The following RBM38 variants were observed in gnomAD, a reference collection of about 807,000 sequenced individuals.
The protein encoded by RBM38 is RNA binding motif protein 38.
In RBM38, 11 loss-of-function variants were observed where a neutral mutation model predicts 23.5. That is an observed-to-expected ratio of 0.47 (90% CI 0.29 to 0.77). The LOEUF is 0.77. Among genes scored for constraint, RBM38 ranks in the 30% least tolerant of loss-of-function variants. The pLI is 0.08. For missense variants in RBM38, 330 were observed against 351.9 expected (o/e 0.94, Z 0.50); for synonymous variants, 165 against 166.1 (o/e 0.99, Z 0.05).
intron 1 of RBM38, 54 bp from the exon 2 acceptor site, chr20:57,392,600 C>G: frequency 6.4e-7 from 1 of 1,567,216 alleles, no homozygotes. Flanking sequence ...CCGTCTGCCC[C>G]TTTCGCCCCT....
In RBM38 at chr20:57,405,818, C is replaced by T. The variant is rs548417204; in HGVS notation, c.417-1725C>T. On this transcript the variant is annotated intron_variant, in intron 3 of 3. Coordinates refer to ENST00000356208, the MANE Select transcript of RBM38 (RefSeq NM_017495.6). Reference sequence around the variant, plus strand: ...TCCCTGGCTCTGGGGAGGGAGCTCGCAGGGCTCCTCTCTGACACTGAGGGT... The same window carrying T: ...TCCCTGGCTCTGGGGAGGGAGCTCGTAGGGCTCCTCTCTGACACTGAGGGT... Among the ~76,000 whole-genome samples, 15 of 151,056 alleles carry T rather than the reference C, an allele frequency of 9.9e-5. No individual in the cohort carries two copies. The South Asian group carries it at 3.1e-3, about 32-fold the overall frequency.
rs754322312 is a variant in RBM38, at chr20:57,407,677, C to A, written c.551C>A (p.Pro184Gln). 1.2e-6 allele frequency: 2 copies of A among 1,612,702 alleles called. No individual in the cohort carries two copies. Among genetic ancestry groups the A allele is most frequent in the Non-Finnish European group, 1.7e-6 (2 of 1,179,688 alleles). The change falls in exon 4 of 4, where the codon CCG (proline) becomes CAG (glutamine). Residue 184 changes from proline to glutamine, a missense_variant. By Grantham distance (76) the Pro-to-Gln change is moderately conservative (BLOSUM62 -1). Around this residue, in one of 3 missense-constraint regions of RBM38, gnomAD observed 227 missense variants for 216.4 expected, o/e 1.05. Coordinates refer to ENST00000356208, the MANE Select transcript of RBM38 (RefSeq NM_017495.6). The surrounding 1 kb of genome is among the most constrained non-coding windows in gnomAD (Gnocchi z 4.0). ...PASPAYAQYP[P>Q]ATYDQYPYAA... Reference sequence around the variant, plus strand: ...AGCCCGGCCTACGCCCAGTACCCACCGGCCACCTATGACCAGTACCCATAC... The same window carrying A: ...AGCCCGGCCTACGCCCAGTACCCACAGGCCACCTATGACCAGTACCCATAC...
At chr20:57,395,563 G>A (rs945968023) in intron 3 of RBM38, among the ~76,000 whole-genome samples, 1 of 152,234 alleles carries the variant, frequency 6.6e-6, no homozygotes, top group African/African-American at 2.4e-5. Context: ...CCCAAACAGG[G>A]ACGGTGTCAG....
chr20:57,406,521 G>A (rs960074969), intron 3 of RBM38, among the ~76,000 whole-genome samples: 4 of 152,170 alleles, frequency 2.6e-5, no homozygotes, highest in Non-Finnish European at 5.9e-5. Context: ...ACGGGGTGAC[G>A]CACCCAGTCA....
chr20:57,406,109 C>T (rs1600759138), intron 3 of RBM38, among the ~76,000 whole-genome samples: 1 of 152,220 alleles, frequency 6.6e-6, no homozygotes, highest in African/African-American at 2.4e-5. Flanking sequence ...GCCCAGGGCA[C>T]AGTGCCGTGC....
intron 3 of RBM38, chr20:57,400,022 A>G (rs6025526): frequency 0.055 from 24,929 of 455,878 alleles, 4,376 homozygotes; most frequent in African/African-American, 0.41. Flanking sequence ...ATGTGTCCCC[A>G]GCACCATCTG....
At chr20:57,392,811 C>T (rs760596826) in intron 2 of RBM38, 34 bp downstream of exon 2, 18 of 1,606,738 alleles carry the variant, frequency 1.1e-5, no homozygotes, top group Middle Eastern at 1.7e-4. Flanking sequence ...TGGCTCTTCT[C>T]GGTTTCTATA....
At position 57,407,677 on chromosome 20, in the gene RBM38, C is replaced by G; in HGVS notation, c.551C>G (p.Pro184Arg). ...PASPAYAQYP[P>R]ATYDQYPYAA... Reference sequence around the variant, plus strand: ...AGCCCGGCCTACGCCCAGTACCCACCGGCCACCTATGACCAGTACCCATAC... The same window carrying G: ...AGCCCGGCCTACGCCCAGTACCCACGGGCCACCTATGACCAGTACCCATAC... Residue 184 changes from proline to arginine, a missense_variant, in exon 4 of 4, where the codon CCG becomes CGG. This residue lies in a region of RBM38 where 227 missense variants were observed against 216.4 expected (regional missense o/e 1.05). Transcript: ENST00000356208. This position sits in a 1 kb window ranked among gnomAD's most constrained non-coding sequence, Gnocchi z 4.0. 1 of 1,612,702 alleles carries G rather than the reference C, an allele frequency of 6.2e-7. No individual in the cohort carries two copies.
At chr20:57,396,212 A>T (rs1042795948) in intron 3 of RBM38, among the ~76,000 whole-genome samples, 4 of 152,132 alleles carry the variant, frequency 2.6e-5, no homozygotes, top group Admixed American at 2.0e-4. Context: ...GTGAGACCTA[A>T]CTCACCTGTG....
intron 3 of RBM38, among the ~76,000 whole-genome samples, chr20:57,395,800 C>T (rs1056203765): frequency 2.0e-5 from 3 of 152,068 alleles, no homozygotes; most frequent in South Asian, 2.1e-4. Flanking sequence ...GGGCCGTCAG[C>T]GTCCCTTTTG....
At chr20:57,405,891 C>T (rs2146219931) in intron 3 of RBM38, among the ~76,000 whole-genome samples, 1 of 152,306 alleles carries the variant, frequency 6.6e-6, no homozygotes, top group East Asian at 1.9e-4. Flanking sequence ...CCACATGTTG[C>T]CAAACCGCGC....
intron 3 of RBM38, among the ~76,000 whole-genome samples, chr20:57,395,416 C>A (rs945768169): frequency 6.6e-6 from 1 of 152,114 alleles, no homozygotes; most frequent in Admixed American, 6.5e-5. Flanking sequence ...CAGTTGGGAT[C>A]GGTCACAGAG....
In RBM38 at chr20:57,407,829, C is replaced by T. The variant is rs1403264887; in HGVS notation, c.703C>T (p.Pro235Ser). Residue 235 changes from proline to serine, a missense_variant, in exon 4 of 4, where the codon CCT becomes TCT. Pro to Ser is a moderately conservative substitution (Grantham distance 74). Coordinates refer to ENST00000356208, the MANE Select transcript of RBM38 (RefSeq NM_017495.6). The surrounding 1 kb of genome is among the most constrained non-coding windows in gnomAD (Gnocchi z 4.0). ...FVQYQAPQLQ[P>S]DRMQ ...GCAGTACCAGGCGCCGCAGCTGCAG[C>T]CTGACAGGATGCAGTGAGGGGCGTT... 6.4e-7 allele frequency: 1 copy of T among 1,573,494 alleles called. No homozygotes were observed.
chr20:57,392,642 C>T lies in RBM38; in HGVS notation c.238-12C>T, dbSNP rs772661043. ...CCCCACGGCAGCCCCTGATGTGTCT[C>T]TGCTCCACCAGGTGACCATGGCCGA... On this transcript the variant is annotated splice_polypyrimidine_tract_variant and intron_variant, in intron 1 of 3. Transcript: ENST00000356208. 4 of 1,609,196 alleles carry T rather than the reference C, an allele frequency of 2.5e-6. No homozygotes were observed. The highest frequency in any genetic ancestry group is 2.7e-5 in the African/African-American group (2 of 74,522).
At chr20:57,395,757 G>T (rs937968603) in intron 3 of RBM38, among the ~76,000 whole-genome samples, 1 of 141,456 alleles carries the variant, frequency 7.1e-6, no homozygotes, top group Non-Finnish European at 1.5e-5. Flanking sequence ...GCCCGCTGAC[G>T]GAGCTGGAGA....
rs1600743167 is a variant in RBM38, at chr20:57,393,120, C to T, written c.362-159C>T. 4 of 751,086 alleles carry T rather than the reference C, an allele frequency of 5.3e-6. No homozygotes were observed. In the East Asian group the frequency reaches 1.0e-4, roughly 19 times the overall value. The allele number at this position is 751,086 out of a possible 1,614,324, so 46.5% of individuals were successfully genotyped here. Reference sequence around the variant, plus strand: ...CTCACTGCCACACTTCAGCGGTGTGCCTTGGGGTTCACAAGGGGGAGGCCT... The same window carrying T: ...CTCACTGCCACACTTCAGCGGTGTGTCTTGGGGTTCACAAGGGGGAGGCCT... On this transcript the variant is annotated intron_variant, in intron 2 of 3. Coordinates refer to ENST00000356208, the MANE Select transcript of RBM38 (RefSeq NM_017495.6).
At chr20:57,392,264 C>A in intron 1 of RBM38, 1 of 442,990 alleles carries the variant, frequency 2.3e-6, no homozygotes, top group Non-Finnish European at 4.0e-6. Context: ...GTCTTGAAGA[C>A]ACTTTCCTGC....
chr20:57,395,502 T>G (rs2067264956), intron 3 of RBM38, among the ~76,000 whole-genome samples: 1 of 152,126 alleles, frequency 6.6e-6, no homozygotes. Flanking sequence ...TTAATACTTG[T>G]GACGATGAAG....
chr20:57,395,628 C>CG (rs1285528764), intron 3 of RBM38, among the ~76,000 whole-genome samples: 1 of 151,480 alleles, frequency 6.6e-6, no homozygotes, highest in Non-Finnish European at 1.5e-5. Context: ...CTCTGAGAAT[C>CG]GCGCCGCCTC....
Sources: allele counts gnomAD v4.1 joint callset (sites outside exome capture counted in the v4.1 genomes callset), GRCh38; gene constraint gnomAD v4.1.1; regional missense constraint gnomAD v4.1.1; non-coding constraint Gnocchi (gnomAD v3.1); transcripts MANE v1.5; gene names NCBI Gene and HGNC (gene_info 2026-07-23, HGNC 2026-07-21).